SYNJ2: variants seen among roughly 807,000 people sequenced by gnomAD.
The protein encoded by SYNJ2 is polyphosphatidylinositol phosphatase SYNJ2.
In SYNJ2, 116 loss-of-function variants were observed where a neutral mutation model predicts 141.3. The ratio of observed to expected loss-of-function variants is 0.82; its 90% CI spans 0.71 to 0.96. The LOEUF (loss-of-function observed/expected upper bound fraction) is 0.96. Ranked by LOEUF, SYNJ2 falls within the 40% of genes least tolerant of loss-of-function variation. SYNJ2 has a pLI of 0.00. For synonymous variants in SYNJ2, 745 were observed against 777.7 expected (o/e 0.96, Z 0.70); for missense variants, 1,873 against 1,934.8 (o/e 0.97, Z 0.60).
At chr6:158,073,935 G>A (rs1408006896) in intron 15 of SYNJ2, among the ~76,000 whole-genome samples, 1 of 150,362 alleles carries the variant, frequency 6.7e-6, no homozygotes, top group Admixed American at 6.6e-5. Flanking sequence ...AGAGCTGGTG[G>A]TATCTGCTTT....
At chr6:158,061,375 G>A (rs1562368658) in intron 7 of SYNJ2, among the ~76,000 whole-genome samples, 1 of 152,328 alleles carries the variant, frequency 6.6e-6, no homozygotes, top group South Asian at 2.1e-4. Context: ...GGAAGGGAGG[G>A]CTCTTAAGGG....
intron 18 of SYNJ2, chr6:158,078,834 A>G (rs1429363022): frequency 1.6e-5 from 2 of 126,666 alleles, no homozygotes; most frequent in Non-Finnish European, 3.1e-5. Context: ...TCTATTGCCC[A>G]GGCTGGATGG....
intron 1 of SYNJ2, among the ~76,000 whole-genome samples, chr6:157,993,797 GTTTTTTTTTTTTTTTT>G (rs61529071): frequency 2.1e-5 from 1 of 47,944 alleles, no homozygotes; most frequent in South Asian, 9.6e-4. Flanking sequence ...AAATGTGTGG[GTTTTTTTTTTTTTTTT>G]TTTTTTTTTT....
At chr6:158,063,469 G>C (rs1434801800) in intron 8 of SYNJ2, among the ~76,000 whole-genome samples, 1 of 151,988 alleles carries the variant, frequency 6.6e-6, no homozygotes, top group East Asian at 1.9e-4. Flanking sequence ...GACTAGCCTG[G>C]CCAATGTGGT....
chr6:158,069,805 A>T, intron 14 of SYNJ2, 132 bp downstream of exon 14: 1 of 1,175,290 alleles, frequency 8.5e-7, no homozygotes, highest in Admixed American at 3.1e-5. Flanking sequence ...TTTTAGATAA[A>T]TGTAGCAAAA....
Position 158,081,314 on chromosome 6 carries a change from A to C in SYNJ2, c.2773A>C (p.Ile925Leu), listed in dbSNP as rs985655312. Residue 925 changes from isoleucine (I) to leucine (L), a missense_variant, in exon 19 of 27, where the codon ATT becomes CTT. Coordinates refer to ENST00000355585, the MANE Select transcript of SYNJ2 (RefSeq NM_003898.4). ...GCAGACCTTGGGGAGTTATGGGACA[A>C]TTGTTCTTGTCAGGTAACTGCTCCC... is the stretch of plus-strand genomic sequence containing the variant. ...LMQTLGSYGT[I>L]VLVRINQGQM... 1 of 1,614,094 alleles carries C rather than the reference A, an allele frequency of 6.2e-7. No individual in the cohort carries two copies. Among genetic ancestry groups the C allele is most frequent in the Non-Finnish European group, 8.5e-7 (1 of 1,180,010 alleles).
intron 1 of SYNJ2, among the ~76,000 whole-genome samples, chr6:157,990,113 A>C (rs1777364184): frequency 6.6e-6 from 1 of 152,200 alleles, no homozygotes; most frequent in South Asian, 2.1e-4. Flanking sequence ...CTCCTGGTTG[A>C]AAAGGTGACT....
intron 26 of SYNJ2, among the ~76,000 whole-genome samples, chr6:158,093,435 C>CAAA (rs1004076513): frequency 5.4e-4 from 28 of 51,530 alleles, no homozygotes; most frequent in African/African-American, 2.1e-3. Context: ...GACTCCACCT[C>CAAA]AAAAAAAAAA....
chr6:157,988,346 C>T (rs959175461), intron 1 of SYNJ2, among the ~76,000 whole-genome samples: 1 of 152,168 alleles, frequency 6.6e-6, no homozygotes, highest in Non-Finnish European at 1.5e-5. Context: ...ATGAACCTGG[C>T]CTTCCAGGTA....
chr6:158,070,240 A>T lies in SYNJ2; in HGVS notation c.1940+567A>T. 1.0e-6 allele frequency: 1 copy of T among 985,308 alleles called. No individual in the cohort carries two copies. The highest frequency in any genetic ancestry group is 1.2e-6 in the Non-Finnish European group (1 of 829,984). 61.0% of individuals were successfully genotyped at this position (985,308 alleles called of 1,614,324 possible). ...AGCTTGTGGTTGGCCTCATCTTACC[A>T]CCTGGGCCTACCCATGGCTTTTGAA... On this transcript the variant is annotated intron_variant, in intron 14 of 26. Coordinates refer to ENST00000355585, the MANE Select transcript of SYNJ2 (RefSeq NM_003898.4). The surrounding 1 kb of genome is among the most constrained non-coding windows in gnomAD (Gnocchi z 4.0).
intron 2 of SYNJ2, 47 bp from the exon 3 acceptor site, chr6:158,028,709 C>T: frequency 6.3e-7 from 1 of 1,592,946 alleles, no homozygotes; most frequent in Non-Finnish European, 8.6e-7. Flanking sequence ...CTCCAGGCGG[C>T]CGGGCCGACT....
intron 2 of SYNJ2, 191 bp downstream of exon 2, chr6:158,017,481 C>G (rs922134122): frequency 2.7e-6 from 2 of 741,554 alleles, no homozygotes; most frequent in Admixed American, 6.4e-5. Context: ...ATGGCGCGAT[C>G]TCGGCTCACC....
At chr6:158,053,777 CCACCCACT>C (rs1780702900) in intron 5 of SYNJ2, among the ~76,000 whole-genome samples, 1 of 151,354 alleles carries the variant, frequency 6.6e-6, no homozygotes, top group African/African-American at 2.4e-5. Context: ...ACCCATCCAC[CCACCCACT>C]CACCCACTTA....
chr6:158,000,064 C>CTTTTTTTTTTTTTTT (rs58284240), intron 1 of SYNJ2, among the ~76,000 whole-genome samples: 4 of 85,600 alleles, frequency 4.7e-5, no homozygotes, highest in Admixed American at 1.4e-4. Flanking sequence ...AGCCAAAAGG[C>CTTTTTTTTTTTTTTT]TTTTTTTTTT....
At chr6:158,057,495 C>T (rs1432140717) in intron 6 of SYNJ2, among the ~76,000 whole-genome samples, 2 of 152,234 alleles carry the variant, frequency 1.3e-5, no homozygotes, top group Non-Finnish European at 2.9e-5. Flanking sequence ...TCCTCCTCGC[C>T]ATTCTCCGCA....
chr6:158,054,166 T>TATCC lies in SYNJ2; in HGVS notation c.796-775_796-772dup, dbSNP rs762905014. ...CCACCCATCTATCCATCCACTCAGCTATCCATCCATCCATCCATCCATCCA... is the reference window on the plus strand; with the variant it reads ...CCACCCATCTATCCATCCACTCAGCTATCCATCCATCCATCCATCCATCCATCCA... On this transcript the variant is annotated intron_variant, in intron 5 of 26. Transcript: ENST00000355585. 8.3e-3 allele frequency among the ~76,000 whole-genome samples: 1,116 copies of TATCC among 134,024 alleles called. 8 individuals carry two copies. The highest frequency in any genetic ancestry group is 0.014 in the Non-Finnish European group (844 of 62,114). 87.9% of individuals were successfully genotyped at this position (134,024 alleles called of 152,430 possible).
chr6:157,987,293 T>C (rs1448687066), intron 1 of SYNJ2, among the ~76,000 whole-genome samples: 1 of 152,062 alleles, frequency 6.6e-6, no homozygotes, highest in East Asian at 1.9e-4. Flanking sequence ...GGCCAACAGA[T>C]TAGGATGATT....
chr6:158,045,267 C>A (rs1292682028), intron 5 of SYNJ2, among the ~76,000 whole-genome samples: 1 of 152,000 alleles, frequency 6.6e-6, no homozygotes, highest in Admixed American at 6.6e-5. Flanking sequence ...ACTACCACAC[C>A]CAGCTAATTT....
chr6:158,034,797 G>T (rs1583366767), intron 4 of SYNJ2, among the ~76,000 whole-genome samples: 1 of 152,236 alleles, frequency 6.6e-6, no homozygotes, highest in East Asian at 1.9e-4. Flanking sequence ...TGTCTTCCAG[G>T]GTTTTTATAG....
Sources: allele counts gnomAD v4.1 joint callset (sites outside exome capture counted in the v4.1 genomes callset), GRCh38; gene constraint gnomAD v4.1.1; non-coding constraint Gnocchi (gnomAD v3.1); transcripts MANE v1.5; gene names NCBI Gene and HGNC (gene_info 2026-07-23, HGNC 2026-07-21).